FOXP2: variants seen among roughly 807,000 people sequenced by gnomAD.
FOXP2 encodes the protein forkhead box protein P2.
FOXP2 carries 12 observed loss-of-function variants against 115.8 expected under a neutral mutation model. The ratio of observed to expected loss-of-function variants is 0.10; its 90% CI spans 0.07 to 0.17. The LOEUF (loss-of-function observed/expected upper bound fraction) is 0.17, where lower values mean the gene tolerates loss of function less well. FOXP2 is among the 10% of genes least tolerant of loss of function. The pLI is 1.00. For synonymous variants in FOXP2, 328 were observed against 297.7 expected, an observed-to-expected ratio of 1.10 and a Z score of -1.05; for missense variants, 629 against 843.5, an observed-to-expected ratio of 0.75 and a Z score of 3.15.
intron 1 of FOXP2, among the ~76,000 whole-genome samples, chr7:114,114,292 T>A (rs1242713091): frequency 6.6e-6 from 1 of 150,914 alleles, no homozygotes; most frequent in Non-Finnish European, 1.5e-5. Flanking sequence ...TATATAAATA[T>A]ATATATAATA....
intron 1 of FOXP2, among the ~76,000 whole-genome samples, chr7:114,284,059 T>A (rs1452963027): frequency 2.0e-5 from 3 of 152,134 alleles, no homozygotes; most frequent in Non-Finnish European, 4.4e-5. Flanking sequence ...AGAAGATAGG[T>A]CAAATGGTCT....
intron 2 of FOXP2, among the ~76,000 whole-genome samples, chr7:114,466,014 C>A (rs1282358399): frequency 6.6e-6 from 1 of 152,112 alleles, no homozygotes; most frequent in Admixed American, 6.6e-5. Flanking sequence ...CTCATTATAC[C>A]CAAATCATAT....
intron 2 of FOXP2, among the ~76,000 whole-genome samples, chr7:114,476,337 A>G (rs777705114): frequency 6.6e-6 from 1 of 152,016 alleles, no homozygotes; most frequent in Non-Finnish European, 1.5e-5. Context: ...TCTTCTGAAT[A>G]TGGCTAGCCA....
At chr7:114,656,527 C>T in intron 10 of FOXP2, 1 of 450,728 alleles carries the variant, frequency 2.2e-6, no homozygotes. Context: ...CCCAGAGAAG[C>T]TTACACCAGT....
At chr7:114,360,377 A>T (rs1051936017) in intron 2 of FOXP2, among the ~76,000 whole-genome samples, 1 of 151,792 alleles carries the variant, frequency 6.6e-6, no homozygotes, top group African/African-American at 2.4e-5. Flanking sequence ...TTTTTTTCCC[A>T]ACTTCACCTT....
chr7:114,393,440 A>G (rs577683673), intron 2 of FOXP2, among the ~76,000 whole-genome samples: 170 of 152,140 alleles, frequency 1.1e-3, no homozygotes, highest in Non-Finnish European at 2.0e-3. Context: ...GTGTATACAA[A>G]TGAGAGATGT....
In FOXP2 at chr7:114,306,196, T is replaced by G. The variant is rs535283244; in HGVS notation, c.-11+18087T>G. ...CCCTACTTACGTGTAATAAGTCAAC[T>G]TGTTACTGTTTTGTGGATTCTAGCA... On this transcript the variant is annotated intron_variant, in intron 2 of 17. Transcript: ENST00000634411. Among the ~76,000 whole-genome samples the G allele has an allele frequency of 1.2e-4, 18 of 152,258 alleles. 1 individual carries two copies. Among genetic ancestry groups the G allele is most frequent in the East Asian group, 5.8e-4 (3 of 5,168 alleles).
chr7:114,675,108 C>A lies in FOXP2; in HGVS notation c.2003+10672C>A, dbSNP rs145135440. 6.4e-4 allele frequency among the ~76,000 whole-genome samples: 98 copies of A among 152,160 alleles called. No individual in the cohort carries two copies. The East Asian group carries it at 0.014, about 21-fold the overall frequency. Reference sequence around the variant, plus strand: ...TAGGCTTAAGAAATGAATTGTGTATCATTTCAACCTGGCTTCACACAAATG... The same window carrying A: ...TAGGCTTAAGAAATGAATTGTGTATAATTTCAACCTGGCTTCACACAAATG... On this transcript the variant is annotated intron_variant, in intron 16 of 16. Coordinates refer to ENST00000350908, the MANE Select transcript of FOXP2 (RefSeq NM_014491.4).
intron 2 of FOXP2, among the ~76,000 whole-genome samples, chr7:114,337,486 TA>T (rs1318147222): frequency 1.3e-5 from 2 of 151,246 alleles, no homozygotes; most frequent in Non-Finnish European, 1.5e-5. Flanking sequence ...ATCTTACTAA[TA>T]TTCTAAAAAT....
At chr7:114,675,891 T>A (rs1459950524) in intron 16 of FOXP2, among the ~76,000 whole-genome samples, 1 of 151,002 alleles carries the variant, frequency 6.6e-6, no homozygotes, top group Non-Finnish European at 1.5e-5. Context: ...CACATTTTCT[T>A]TATTTTATTT....
At chr7:114,272,348 T>C (rs1466619691) in intron 1 of FOXP2, among the ~76,000 whole-genome samples, 1 of 151,624 alleles carries the variant, frequency 6.6e-6, no homozygotes, top group Non-Finnish European at 1.5e-5. Context: ...AGATTTCTTT[T>C]CTTGTAATAT....
Position 114,328,535 on chromosome 7 carries a change from C to T in FOXP2, c.-11+40426C>T, listed in dbSNP as rs374513948. On this transcript the variant is annotated intron_variant, in intron 2 of 17. Coordinates refer to the FOXP2 transcript ENST00000634411. ...ACAGGCGTGAGCCACCGCGCCCAGC[C>T]TCAGCCCTTTCTTTTCGTAATATTC... 1.5e-3 allele frequency among the ~76,000 whole-genome samples: 226 copies of T among 152,292 alleles called. 2 individuals carry two copies. The highest frequency in any genetic ancestry group is 5.1e-3 in the African/African-American group (212 of 41,566).
intron 2 of FOXP2, among the ~76,000 whole-genome samples, chr7:114,386,839 T>C (rs1053487002): frequency 2.6e-5 from 4 of 152,246 alleles, no homozygotes; most frequent in Non-Finnish European, 5.9e-5. Context: ...TTTTTTCATA[T>C]AAATGAAATA....
At chr7:114,611,370 A>G (rs1413870280) in intron 3 of FOXP2, among the ~76,000 whole-genome samples, 3 of 152,000 alleles carry the variant, frequency 2.0e-5, no homozygotes, top group African/African-American at 7.2e-5. Context: ...TATTGCCCTC[A>G]GAAGCATCTC....
chr7:114,598,934 T>C (rs1323994693), intron 3 of FOXP2, among the ~76,000 whole-genome samples: 1 of 152,208 alleles, frequency 6.6e-6, no homozygotes, highest in African/African-American at 2.4e-5. Flanking sequence ...ATGTTGACTT[T>C]GGATTAAGCA....
intron 1 of FOXP2, among the ~76,000 whole-genome samples, chr7:114,230,264 C>T (rs142429877): frequency 1.3e-3 from 204 of 151,980 alleles, no homozygotes; most frequent in African/African-American, 4.4e-3. Flanking sequence ...AAAGTCCAGA[C>T]GGTTTCACTG....
intron 2 of FOXP2, among the ~76,000 whole-genome samples, chr7:114,524,818 T>C (rs527575323): frequency 3.9e-5 from 6 of 152,276 alleles, no homozygotes; most frequent in African/African-American, 1.4e-4. Flanking sequence ...TTTCCTACCA[T>C]ACTAAAAGAT....
At chr7:114,304,178 A>G (rs1796945884) in intron 2 of FOXP2, among the ~76,000 whole-genome samples, 1 of 152,268 alleles carries the variant, frequency 6.6e-6, no homozygotes, top group South Asian at 2.1e-4. Flanking sequence ...CAAACAAAAT[A>G]AACACTCTAG....
intron 1 of FOXP2, among the ~76,000 whole-genome samples, chr7:114,176,298 T>TCTCTCTCTCTC (rs1554426475): frequency 1.3e-5 from 1 of 76,516 alleles, no homozygotes; most frequent in African/African-American, 5.4e-5. Flanking sequence ...CTTTCTTTCT[T>TCTCTCTCTCTC]TCTCTCTCTC....
Sources: allele counts gnomAD v4.1 joint callset (sites outside exome capture counted in the v4.1 genomes callset), GRCh38; gene constraint gnomAD v4.1.1; transcripts MANE v1.5; gene names NCBI Gene and HGNC (gene_info 2026-07-23, HGNC 2026-07-21).